The following HSPA12A variants were observed in gnomAD, a reference collection of about 807,000 sequenced individuals.
The protein encoded by HSPA12A is heat shock protein family A (Hsp70) member 12A, also known as heat shock 70 kDa protein 12A.
Under a neutral mutation model 69.2 loss-of-function variants are expected in HSPA12A, and 28 were observed. The observed-to-expected ratio is 0.40, with a 90% CI of 0.30 to 0.55. HSPA12A has a LOEUF of 0.55. Ranked by LOEUF, HSPA12A falls within the 20% of genes least tolerant of loss-of-function variation. The pLI, the probability that HSPA12A is intolerant of heterozygous loss-of-function variation, is 0.38. For missense variants in HSPA12A, 686 were observed against 900.7 expected, an observed-to-expected ratio of 0.76 and a Z score of 3.05; for synonymous variants, 345 against 370.5, an observed-to-expected ratio of 0.93 and a Z score of 0.79.
chr10:116,816,844 CCAA>C lies in HSPA12A; in HGVS notation c.91+18088_91+18090del, dbSNP rs375605482. Among the ~76,000 whole-genome samples the C allele has an allele frequency of 6.3e-3, 963 of 152,294 alleles. 8 individuals are homozygous for C. Among genetic ancestry groups the C allele is most frequent in the African/African-American group, 0.022 (927 of 41,568 alleles). ...TTATGCTCTGGGTTACAAAACGCTTCCAACAACACCTTTGCTCAGTATTGGATT... is the reference window on the plus strand; with the variant it reads ...TTATGCTCTGGGTTACAAAACGCTTCCAACACCTTTGCTCAGTATTGGATT... On this transcript the variant is annotated intron_variant, in intron 2 of 12. Coordinates refer to the HSPA12A transcript ENST00000635765.
At chr10:116,848,397 A>G (rs1208433813) in intron 1 of HSPA12A, among the ~76,000 whole-genome samples, 1 of 152,354 alleles carries the variant, frequency 6.6e-6, no homozygotes, top group South Asian at 2.1e-4. Context: ...GCATGTATTG[A>G]AAATAACTGT....
At chr10:116,789,741 G>T (rs1055173621) in intron 2 of HSPA12A, among the ~76,000 whole-genome samples, 2 of 152,274 alleles carry the variant, frequency 1.3e-5, no homozygotes, top group East Asian at 3.9e-4. Context: ...TGAAGCTGAC[G>T]TGACTGTTCA....
intron 1 of HSPA12A, among the ~76,000 whole-genome samples, chr10:116,843,931 C>T (rs954730631): frequency 6.6e-6 from 1 of 152,106 alleles, no homozygotes; most frequent in African/African-American, 2.4e-5. Flanking sequence ...CTAATAGAAC[C>T]TCCAGGTGAT....
At chr10:116,763,992 TG>T (rs527962586) in intron 2 of HSPA12A, among the ~76,000 whole-genome samples, 4 of 151,906 alleles carry the variant, frequency 2.6e-5, no homozygotes, top group East Asian at 1.9e-4. Context: ...CTGCAACCTT[TG>T]GGGGGGTGTT....
chr10:116,816,371 T>C (rs967688272), intron 2 of HSPA12A, among the ~76,000 whole-genome samples: 1 of 152,262 alleles, frequency 6.6e-6, no homozygotes, highest in African/African-American at 2.4e-5. Flanking sequence ...GCACCCCGCA[T>C]ACGGGGCAGA....
At chr10:116,746,337 C>T (rs1851648775), upstream of HSPA12A, among the ~76,000 whole-genome samples, 2 of 152,222 alleles carry the variant, frequency 1.3e-5, no homozygotes, top group Admixed American at 6.5e-5. Flanking sequence ...ACATGATGCA[C>T]AGCATGGGTA....
chr10:116,834,881 G>A (rs1681720), intron 2 of HSPA12A: 354,522 of 969,432 alleles, frequency 0.37, 66,882 homozygotes, highest in East Asian at 0.47. Context: ...GAGGTTCTGG[G>A]GCAGTTATTT....
chr10:116,742,069 C>G (rs1481034953), intron 1 of HSPA12A, among the ~76,000 whole-genome samples: 1 of 152,134 alleles, frequency 6.6e-6, no homozygotes, highest in East Asian at 1.9e-4. Flanking sequence ...GCCTCCGCAG[C>G]CCATCGCGCG....
intron 2 of HSPA12A, among the ~76,000 whole-genome samples, chr10:116,785,919 T>C (rs1050044103): frequency 1.4e-4 from 22 of 152,076 alleles, no homozygotes; most frequent in Non-Finnish European, 2.4e-4. Context: ...CCCCATGGCC[T>C]ACTCAGACTC....
At chr10:116,788,664 A>AT (rs5788193) in intron 2 of HSPA12A, among the ~76,000 whole-genome samples, 132,723 of 151,936 alleles carry the variant, frequency 0.87, 58,650 homozygotes, top group South Asian at 0.95. Context: ...TTGTAGCCTG[A>AT]TTTTTTTCTC....
intron 6 of HSPA12A, among the ~76,000 whole-genome samples, chr10:116,691,172 T>G (rs868996345): frequency 6.6e-6 from 1 of 152,184 alleles, no homozygotes; most frequent in Non-Finnish European, 1.5e-5. Context: ...AGCCAGATTC[T>G]CACACTGCAA....
At chr10:116,772,894 G>A (rs1844244436) in intron 2 of HSPA12A, among the ~76,000 whole-genome samples, 1 of 152,084 alleles carries the variant, frequency 6.6e-6, no homozygotes, top group East Asian at 1.9e-4. Context: ...TAAAGACAGA[G>A]TCTCACTATG....
At chr10:116,817,744 A>G (rs987597471) in intron 2 of HSPA12A, among the ~76,000 whole-genome samples, 7 of 152,176 alleles carry the variant, frequency 4.6e-5, no homozygotes, top group Admixed American at 4.6e-4. Flanking sequence ...ATAATCTGCA[A>G]ATATGAAGAA....
intron 2 of HSPA12A, among the ~76,000 whole-genome samples, chr10:116,787,097 C>T (rs1844595578): frequency 1.3e-5 from 2 of 151,866 alleles, no homozygotes; most frequent in African/African-American, 2.4e-5. Flanking sequence ...TAGAAAGCTC[C>T]CCAGGTCATT....
At chr10:116,840,304 T>C (rs1035204348) in intron 1 of HSPA12A, among the ~76,000 whole-genome samples, 2 of 152,226 alleles carry the variant, frequency 1.3e-5, no homozygotes, top group Non-Finnish European at 2.9e-5. Flanking sequence ...AAAATGGCTG[T>C]ATTTTCAGTA....
intron 2 of HSPA12A, among the ~76,000 whole-genome samples, chr10:116,783,511 A>G (rs557869489): frequency 1.3e-5 from 2 of 152,320 alleles, no homozygotes; most frequent in South Asian, 2.1e-4. Context: ...AAAGAGCTAC[A>G]GCCGTCAACT....
chr10:116,692,490 C>A (rs781902654), intron 5 of HSPA12A, 23 bp from the exon 6 acceptor site: 64 of 1,581,724 alleles, frequency 4.0e-5, no homozygotes, highest in Non-Finnish European at 5.2e-5. Flanking sequence ...GAAAGAAATG[C>A]AACAGGTCAA....
At chr10:116,786,197 C>T (rs1844573571) in intron 2 of HSPA12A, among the ~76,000 whole-genome samples, 2 of 152,214 alleles carry the variant, frequency 1.3e-5, no homozygotes, top group Non-Finnish European at 2.9e-5. Context: ...GAAGGCAGGG[C>T]TCCCAGGGGC....
chr10:116,816,534 C>G (rs752293319), intron 2 of HSPA12A, among the ~76,000 whole-genome samples: 1 of 152,238 alleles, frequency 6.6e-6, no homozygotes, highest in Admixed American at 6.5e-5. Flanking sequence ...GCAGAGAAGG[C>G]GCCATGTGGC....
Sources: allele counts gnomAD v4.1 joint callset (sites outside exome capture counted in the v4.1 genomes callset), GRCh38; gene constraint gnomAD v4.1.1; transcripts MANE v1.5; gene names NCBI Gene and HGNC (gene_info 2026-07-23, HGNC 2026-07-21).